TCF4: variants seen among roughly 807,000 people sequenced by gnomAD.
TCF4 encodes the protein transcription factor 4, also known as SL3-3 enhancer factor 2.
In TCF4, 3 loss-of-function variants were observed where a neutral mutation model predicts 82.1. The observed-to-expected ratio is 0.04, with a 90% CI of 0.02 to 0.09. The LOEUF is 0.09. Ranked by LOEUF, TCF4 falls within the 10% of genes least tolerant of loss-of-function variation. The probability of loss-of-function intolerance (pLI) is 1.00; values close to 1 mark genes in which losing one functional copy is unlikely to be tolerated. For synonymous variants in TCF4, 276 were observed against 309.6 expected (o/e 0.89, Z 1.14); for missense variants, 518 against 852.7 (o/e 0.61, Z 4.89).
At chr18:55,315,870 CT>C (rs1009269058) in intron 8 of TCF4, among the ~76,000 whole-genome samples, 12 of 150,352 alleles carry the variant, frequency 8.0e-5, no homozygotes, top group East Asian at 7.8e-4. Context: ...CAAACAACTG[CT>C]TTTTTTTTAG....
rs74182104 is a variant in TCF4 at position 55,514,405 on chromosome 18, G to GCACACACA, written c.146-50276_146-50269dup. The stretch of plus-strand genomic sequence containing the variant: ...TGAGCATACACACACATCTATCCAT[G>GCACACACA]CACACACACACACACACACACACAC... On this transcript the variant is annotated intron_variant, in intron 3 of 19. Transcript: ENST00000354452. 5.2e-4 allele frequency among the ~76,000 whole-genome samples: 68 copies of GCACACACA among 130,286 alleles called. 1 individual carries two copies. Among genetic ancestry groups the GCACACACA allele is most frequent in the Non-Finnish European group, 8.9e-4 (52 of 58,528 alleles). 85.5% of individuals were successfully genotyped at this position (130,286 alleles called of 152,430 possible). A position where few individuals can be genotyped will look rare whatever the true frequency, so the allele number is the denominator to read the frequency against.
intron 6 of TCF4, among the ~76,000 whole-genome samples, chr18:55,362,684 G>A (rs575465449): frequency 8.5e-5 from 13 of 152,204 alleles, no homozygotes; most frequent in Admixed American, 2.6e-4. Context: ...TAACTTTACA[G>A]AGTTAGAATA....
exon 1 of TCF4, chr18:55,635,840 A>C (rs768331698): frequency 6.4e-7 from 1 of 1,563,946 alleles, no homozygotes; most frequent in South Asian, 1.2e-5. Context: ...AAAATGATGA[A>C]GATGAAGGGA....
chr18:55,609,616 C>T (rs1297328378), intron 2 of TCF4, among the ~76,000 whole-genome samples: 1 of 151,920 alleles, frequency 6.6e-6, no homozygotes, highest in African/African-American at 2.4e-5. Context: ...AAAACACAAA[C>T]AAAAAAGGCA....
chr18:55,229,097 A>C, intron 17 of TCF4, 21 bp from the exon 18 acceptor site: 1 of 1,611,490 alleles, frequency 6.2e-7, no homozygotes, highest in Non-Finnish European at 8.5e-7. Context: ...AAAGGGATGC[A>C]ACATTTTCTA....
Position 55,422,208 on chromosome 18 carries a change from C to T in TCF4, c.305-18690G>A, listed in dbSNP as rs957152836. 3.2e-5 allele frequency: 31 copies of T among 983,354 alleles called. No individual in the cohort carries two copies. The South Asian group carries it at 1.1e-3, about 34-fold the overall frequency. 60.9% of individuals were successfully genotyped at this position (983,354 alleles called of 1,614,324 possible). Reference sequence around the variant, plus strand: ...TCTTTCGACCTTATGGGTAGCACGCCGAGGGAGGCACCAGAAGATCTAAGC... The same window carrying T: ...TCTTTCGACCTTATGGGTAGCACGCTGAGGGAGGCACCAGAAGATCTAAGC... On this transcript the variant is annotated intron_variant, in intron 5 of 19. Coordinates refer to ENST00000354452, the MANE Select transcript of TCF4 (RefSeq NM_001083962.2).
intron 5 of TCF4, among the ~76,000 whole-genome samples, chr18:55,434,672 C>G (rs927959334): frequency 6.6e-6 from 1 of 151,486 alleles, no homozygotes; most frequent in Non-Finnish European, 1.5e-5. Context: ...CATGATCTGC[C>G]CGCCTTGGCC....
chr18:55,566,657 T>C (rs537196515), intron 3 of TCF4, among the ~76,000 whole-genome samples: 1 of 152,166 alleles, frequency 6.6e-6, no homozygotes, highest in East Asian at 1.9e-4. Flanking sequence ...ATTTGTAAAC[T>C]GGAAGATGGG....
chr18:55,424,455 G>C (rs1309160137), intron 5 of TCF4, among the ~76,000 whole-genome samples: 1 of 152,198 alleles, frequency 6.6e-6, no homozygotes, highest in East Asian at 1.9e-4. Context: ...CACAAAGTTA[G>C]GGACAGGCTC....
At chr18:55,282,587 A>G (rs537172006) in intron 8 of TCF4, among the ~76,000 whole-genome samples, 2 of 152,226 alleles carry the variant, frequency 1.3e-5, no homozygotes, top group Admixed American at 1.3e-4. Context: ...AGTTTTTAGT[A>G]TTATTATTCT....
chr18:55,588,810 A>C (rs1285765862), upstream of TCF4, among the ~76,000 whole-genome samples: 4 of 151,788 alleles, frequency 2.6e-5, no homozygotes, highest in Admixed American at 2.0e-4. Context: ...CCTCCCTTTT[A>C]AGTCACAGAA....
At chr18:55,353,385 T>C (rs2082717749) in intron 6 of TCF4, among the ~76,000 whole-genome samples, 1 of 152,206 alleles carries the variant, frequency 6.6e-6, no homozygotes, top group South Asian at 2.1e-4. Flanking sequence ...AACATAGCAC[T>C]AGGACCAGAT....
chr18:55,495,807 A>G (rs2096628466), intron 3 of TCF4: 1 of 152,196 alleles, frequency 6.6e-6, no homozygotes, highest in African/African-American at 2.4e-5. Flanking sequence ...ACCTAAGAAA[A>G]GAGCCATTTT....
chr18:55,437,725 C>G (rs2095358641), intron 5 of TCF4, among the ~76,000 whole-genome samples: 1 of 152,190 alleles, frequency 6.6e-6, no homozygotes, highest in Non-Finnish European at 1.5e-5. Context: ...CAGGCATCTG[C>G]AGTGTATGAA....
chr18:55,618,008 G>A (rs1037675653), intron 2 of TCF4, among the ~76,000 whole-genome samples: 1 of 151,998 alleles, frequency 6.6e-6, no homozygotes, highest in Non-Finnish European at 1.5e-5. Context: ...GTAAGAGTGG[G>A]CATCCTTTCT....
intron 9 of TCF4, among the ~76,000 whole-genome samples, chr18:55,276,649 C>T (rs1006522737): frequency 9.2e-5 from 14 of 152,118 alleles, no homozygotes; most frequent in Admixed American, 9.2e-4. Context: ...TACATTACTG[C>T]TAAATTCATT....
chr18:55,246,864 A>C (rs1476364944), intron 15 of TCF4, among the ~76,000 whole-genome samples: 1 of 152,232 alleles, frequency 6.6e-6, no homozygotes, highest in East Asian at 1.9e-4. Context: ...CCTAATTTAA[A>C]GAAAAACAAG....
chr18:55,237,184 T>C (rs537582728), intron 15 of TCF4, among the ~76,000 whole-genome samples: 151 of 152,266 alleles, frequency 9.9e-4, no homozygotes, highest in African/African-American at 3.6e-3. Flanking sequence ...ATAGAAATAA[T>C]AGCCTGTGTA....
intron 2 of TCF4, among the ~76,000 whole-genome samples, chr18:55,618,143 G>C (rs1047601056): frequency 3.9e-5 from 6 of 152,030 alleles, no homozygotes; most frequent in Non-Finnish European, 5.9e-5. Context: ...CTTTTTGAGA[G>C]TATAATTATA....
Sources: gnomAD v4.1 joint callset for allele counts (sites outside exome capture counted in the v4.1 genomes callset) on GRCh38, gnomAD v4.1.1 for gene constraint, MANE v1.5 for transcripts, NCBI Gene and HGNC (gene_info 2026-07-23, HGNC 2026-07-21) for gene names.